Variants in GALNT7 observed in about 807,000 individuals in gnomAD.
The protein encoded by GALNT7 is N-acetylgalactosaminyltransferase 7.
GALNT7 carries 60 observed loss-of-function variants against 82.1 expected under a neutral mutation model. The ratio of observed to expected loss-of-function variants is 0.73; its 90% CI spans 0.59 to 0.91. The LOEUF is 0.91. Ranked by LOEUF, GALNT7 falls within the 40% of genes least tolerant of loss-of-function variation. The probability of loss-of-function intolerance (pLI) is 0.00; values close to 1 mark genes in which losing one functional copy is unlikely to be tolerated. For missense variants in GALNT7, 660 were observed against 804.2 expected, an observed-to-expected ratio of 0.82 and a Z score of 2.17; for synonymous variants, 243 against 275.1, an observed-to-expected ratio of 0.88 and a Z score of 1.15.
At chr4:173,251,287 G>T (rs1192804305) in intron 2 of GALNT7, among the ~76,000 whole-genome samples, 2 of 152,220 alleles carry the variant, frequency 1.3e-5, no homozygotes, top group East Asian at 1.9e-4. Flanking sequence ...CGTTAAGACA[G>T]ATCTAACCAT....
At chr4:173,191,559 CT>C (rs1020923377) in intron 1 of GALNT7, among the ~76,000 whole-genome samples, 2 of 152,158 alleles carry the variant, frequency 1.3e-5, no homozygotes, top group Admixed American at 1.3e-4. Flanking sequence ...TAAAGTCTTC[CT>C]TTGGCAAGTT....
rs1465887987 is a variant in GALNT7 at position 173,280,914 on chromosome 4, G to A, written c.588-11194G>A. ...CATCTCACAGTGACAAACCAGAAAAGAGCTAAACTTTAAGATCCTGCCTTC... is the reference window on the plus strand; with the variant it reads ...CATCTCACAGTGACAAACCAGAAAAAAGCTAAACTTTAAGATCCTGCCTTC... On this transcript the variant is annotated intron_variant, in intron 2 of 11. Transcript: ENST00000265000. 5.9e-5 allele frequency among the ~76,000 whole-genome samples: 9 copies of A among 152,200 alleles called. No homozygotes were observed. The East Asian group carries it at 1.7e-3, about 29-fold the overall frequency.
intron 1 of GALNT7, among the ~76,000 whole-genome samples, chr4:173,216,752 C>T (rs1422344280): frequency 0.016 from 69 of 4,258 alleles, no homozygotes; most frequent in Non-Finnish European, 0.015. Flanking sequence ...TTTTTGGAGA[C>T]GGAGTCTCAC....
intron 1 of GALNT7, among the ~76,000 whole-genome samples, chr4:173,241,158 C>G (rs1194345306): frequency 6.7e-6 from 1 of 149,984 alleles, no homozygotes; most frequent in South Asian, 2.1e-4. Flanking sequence ...ATTGCTTGAT[C>G]CCAGTAGTTC....
intron 2 of GALNT7, among the ~76,000 whole-genome samples, chr4:173,283,976 G>T (rs1736218060): frequency 1.3e-5 from 2 of 152,216 alleles, no homozygotes; most frequent in South Asian, 2.1e-4. Flanking sequence ...TTGTTCACAG[G>T]AGTATACCTT....
intron 1 of GALNT7, among the ~76,000 whole-genome samples, chr4:173,235,261 C>G (rs1008436563): frequency 2.6e-5 from 4 of 152,182 alleles, no homozygotes; most frequent in African/African-American, 9.7e-5. Context: ...GCTATTAACT[C>G]ACTTTTTACT....
chr4:173,314,127 A>AT lies in GALNT7; in HGVS notation c.1560dup (p.Ile521TyrfsTer13). Reference sequence around the variant, plus strand: ...TGGTTCATGGAAGAAATAGCTTATGATATCACCTCACACTACCCTTTGCCA... The same window carrying AT: ...TGGTTCATGGAAGAAATAGCTTATGATTATCACCTCACACTACCCTTTGCCA... On this transcript the variant is annotated frameshift_variant, in exon 9 of 12. Coordinates refer to ENST00000265000, the MANE Select transcript of GALNT7 (RefSeq NM_017423.3). LOFTEE classifies it high-confidence loss of function. 6.2e-7 allele frequency: 1 copy of AT among 1,614,020 alleles called. No individual in the cohort carries two copies. The highest frequency in any genetic ancestry group is 8.5e-7 in the Non-Finnish European group (1 of 1,179,904).
chr4:173,174,697 G>A (rs536957836), intron 1 of GALNT7, among the ~76,000 whole-genome samples: 22 of 152,042 alleles, frequency 1.4e-4, no homozygotes, highest in Non-Finnish European at 2.9e-4. Flanking sequence ...TCACAATCTA[G>A]TTGGGGGTGG....
rs1188778337 is a variant in GALNT7 at position 173,297,691 on chromosome 4, C to A, written c.966-424C>A. ...TATTTCCCATTAGATATTAAAGTCC[C>A]CTAGTGCACAAACAAATCAACAACA... On this transcript the variant is annotated intron_variant, in intron 5 of 11. Coordinates refer to ENST00000265000, the MANE Select transcript of GALNT7 (RefSeq NM_017423.3). 3 of 518,222 alleles carry A rather than the reference C, an allele frequency of 5.8e-6. No individual in the cohort carries two copies. In the African/African-American group the frequency reaches 5.9e-5, roughly 10 times the overall value. 32.1% of individuals were successfully genotyped at this position (518,222 alleles called of 1,614,324 possible).
chr4:173,182,720 C>CTAGCAGGT (rs1732288530), intron 1 of GALNT7, among the ~76,000 whole-genome samples: 1 of 122,530 alleles, frequency 8.2e-6, no homozygotes, highest in Non-Finnish European at 1.6e-5. Context: ...AATGATGAGG[C>CTAGCAGGT]TAGCAGGTTA....
At chr4:173,280,632 A>G (rs1736079542) in intron 2 of GALNT7, among the ~76,000 whole-genome samples, 1 of 152,214 alleles carries the variant, frequency 6.6e-6, no homozygotes. Flanking sequence ...CCTTGGTGTT[A>G]GAGGATTTTA....
chr4:173,310,437 T>C (rs1310428411), intron 8 of GALNT7, among the ~76,000 whole-genome samples: 1 of 152,180 alleles, frequency 6.6e-6, no homozygotes. Context: ...AGCCTCCTAC[T>C]TGGCTCTTTG....
At chr4:173,218,669 T>C (rs140870690) in intron 1 of GALNT7, among the ~76,000 whole-genome samples, 14 of 152,322 alleles carry the variant, frequency 9.2e-5, no homozygotes, top group African/African-American at 2.9e-4. Flanking sequence ...TGTAGAAGGA[T>C]TGATAGTGTC....
chr4:173,284,851 A>G (rs1430988551), intron 2 of GALNT7, among the ~76,000 whole-genome samples: 1 of 152,188 alleles, frequency 6.6e-6, no homozygotes, highest in Admixed American at 6.5e-5. Flanking sequence ...CTTATAGACA[A>G]TCCTATTCAA....
chr4:173,269,139 G>A (rs973803182), intron 2 of GALNT7, among the ~76,000 whole-genome samples: 1 of 152,100 alleles, frequency 6.6e-6, no homozygotes, highest in Non-Finnish European at 1.5e-5. Flanking sequence ...TATTATAGGG[G>A]CACTCAGACA....
At chr4:173,173,487 A>G (rs1291206571) in intron 1 of GALNT7, among the ~76,000 whole-genome samples, 3 of 152,216 alleles carry the variant, frequency 2.0e-5, no homozygotes, top group Admixed American at 2.0e-4. Context: ...CCACCTTTTT[A>G]GCACCAGGGA....
At chr4:173,182,478 G>T (rs1394725483) in intron 1 of GALNT7, among the ~76,000 whole-genome samples, 8 of 152,144 alleles carry the variant, frequency 5.3e-5, no homozygotes, top group Non-Finnish European at 1.2e-4. Flanking sequence ...CCTGGAATTT[G>T]AGTGATTCAT....
chr4:173,248,360 C>A lies in GALNT7; in HGVS notation c.507C>A (p.Ser169Arg). The A allele has an allele frequency of 6.2e-7, 1 of 1,613,764 alleles. No individual in the cohort carries two copies. The highest frequency in any genetic ancestry group is 8.5e-7 in the Non-Finnish European group (1 of 1,179,746). ...GPEFKQAIQA[S>R]IKEFGFNMVA... ...AATTCAAACAAGCAATTCAAGCCAG[C>A]ATTAAAGAGTTTGGATTTAACATGG... The change falls in exon 2 of 12, where the codon AGC (serine) becomes AGA (arginine). Residue 169 changes from serine to arginine, a missense_variant. By Grantham distance (110) the Ser-to-Arg change is moderately radical. This residue lies in a region of GALNT7 where 527 missense variants were observed against 683.5 expected (regional missense o/e 0.77). Coordinates refer to ENST00000265000, the MANE Select transcript of GALNT7 (RefSeq NM_017423.3).
chr4:173,279,976 TAAAAAGGAAAAA>T (rs1736052916), intron 2 of GALNT7, among the ~76,000 whole-genome samples: 1 of 150,144 alleles, frequency 6.7e-6, no homozygotes, highest in Non-Finnish European at 1.5e-5. Context: ...TCTGTCTCAA[TAAAAAGGAAAAA>T]AAAAAGGATA....
Sources: gnomAD v4.1 joint callset for allele counts (sites outside exome capture counted in the v4.1 genomes callset) on GRCh38, gnomAD v4.1.1 for gene constraint, gnomAD v4.1.1 regional missense constraint, MANE v1.5 for transcripts, NCBI Gene and HGNC (gene_info 2026-07-23, HGNC 2026-07-21) for gene names.